The following SQOR variants were observed in gnomAD, a reference collection of about 807,000 sequenced individuals.
SQOR encodes the protein sulfide quinone oxidoreductase.
SQOR carries 39 observed loss-of-function variants against 48.6 expected under a neutral mutation model. That is an observed-to-expected ratio of 0.80 (90% confidence interval 0.62 to 1.05). The LOEUF (loss-of-function observed/expected upper bound fraction) is 1.05, where lower values mean the gene tolerates loss of function less well. SQOR is among the 50% of genes least tolerant of loss of function. The pLI, the probability that SQOR is intolerant of heterozygous loss-of-function variation, is 0.00. For synonymous variants in SQOR, 220 were observed against 206.2 expected, an observed-to-expected ratio of 1.07 and a Z score of -0.57; for missense variants, 561 against 559.9, an observed-to-expected ratio of 1.00 and a Z score of -0.02.
chr15:45,663,458 G>C (rs1889756411), intron 3 of SQOR, among the ~76,000 whole-genome samples: 1 of 152,062 alleles, frequency 6.6e-6, no homozygotes, highest in South Asian at 2.1e-4. Flanking sequence ...GCTTTTCCCT[G>C]GACCCTGATC....
intron 1 of SQOR, among the ~76,000 whole-genome samples, chr15:45,653,918 A>G (rs1283364006): frequency 1.3e-5 from 2 of 152,006 alleles, no homozygotes; most frequent in East Asian, 1.9e-4. Flanking sequence ...GGCAGATTAC[A>G]TGAGGCCAGC....
intron 3 of SQOR, among the ~76,000 whole-genome samples, chr15:45,664,845 A>G (rs1017284656): frequency 2.6e-5 from 4 of 152,098 alleles, no homozygotes; most frequent in African/African-American, 9.7e-5. Context: ...TTTTAATTAA[A>G]ATTTTTATAT....
At chr15:45,637,655 G>A (rs1175570754) in intron 1 of SQOR, among the ~76,000 whole-genome samples, 2 of 152,180 alleles carry the variant, frequency 1.3e-5, no homozygotes, top group African/African-American at 4.8e-5. Flanking sequence ...CCCAGGGTCT[G>A]TGTGTGCGTG....
intron 1 of SQOR, among the ~76,000 whole-genome samples, chr15:45,657,776 T>C (rs1889640001): frequency 6.6e-6 from 1 of 152,170 alleles, no homozygotes; most frequent in African/African-American, 2.4e-5. Flanking sequence ...ATTAAGTCAT[T>C]TTATTAAGTA....
chr15:45,649,561 C>T (rs895533543), intron 1 of SQOR, among the ~76,000 whole-genome samples: 35 of 152,162 alleles, frequency 2.3e-4, no homozygotes, highest in African/African-American at 7.2e-4. Flanking sequence ...CTGCAACCTC[C>T]GCCTCCCTGG....
At chr15:45,631,785 T>A (rs1206434465), upstream of SQOR, 1 of 152,296 alleles carries the variant, frequency 6.6e-6, no homozygotes, top group Non-Finnish European at 1.5e-5. Context: ...TTGGGGTGTG[T>A]TCCTCTTAGT....
intron 1 of SQOR, among the ~76,000 whole-genome samples, chr15:45,656,217 G>A (rs1056676678): frequency 1.3e-5 from 2 of 151,998 alleles, no homozygotes; most frequent in Non-Finnish European, 2.9e-5. Flanking sequence ...GAATGATGGT[G>A]GTAGCCAACT....
intron 1 of SQOR, among the ~76,000 whole-genome samples, chr15:45,650,848 A>C (rs1349233675): frequency 6.6e-6 from 1 of 152,192 alleles, no homozygotes; most frequent in Non-Finnish European, 1.5e-5. Flanking sequence ...AGTCCCCACC[A>C]GATTAGCTAG....
intron 3 of SQOR, among the ~76,000 whole-genome samples, chr15:45,664,499 C>T (rs1595501939): frequency 6.6e-6 from 1 of 152,090 alleles, no homozygotes; most frequent in Non-Finnish European, 1.5e-5. Context: ...CCCCCCAGCC[C>T]CCTCTTTATT....
chr15:45,663,607 A>C (rs916318568), intron 3 of SQOR, among the ~76,000 whole-genome samples: 1 of 151,992 alleles, frequency 6.6e-6, no homozygotes, highest in African/African-American at 2.4e-5. Context: ...CTCTACAAAA[A>C]AAATTAAGAC....
At chr15:45,659,251 C>T in intron 2 of SQOR, 94 bp downstream of exon 2, 1 of 1,064,906 alleles carries the variant, frequency 9.4e-7, no homozygotes, top group Non-Finnish European at 1.3e-6. Flanking sequence ...ATATGACTAT[C>T]AAGCAATGGG....
At chr15:45,672,052 G>A (rs558188473) in intron 4 of SQOR, among the ~76,000 whole-genome samples, 7 of 152,128 alleles carry the variant, frequency 4.6e-5, no homozygotes, top group African/African-American at 1.4e-4. Context: ...ACCACTTTAC[G>A]GCAACTTTTC....
At chr15:45,637,840 T>C (rs1895031496) in intron 1 of SQOR, among the ~76,000 whole-genome samples, 2 of 152,236 alleles carry the variant, frequency 1.3e-5, no homozygotes, top group African/African-American at 2.4e-5. Flanking sequence ...ACAAGGCATT[T>C]CTGGGCATAG....
chr15:45,641,708 C>T (rs1895107106), intron 1 of SQOR, among the ~76,000 whole-genome samples: 2 of 152,182 alleles, frequency 1.3e-5, no homozygotes, highest in Non-Finnish European at 2.9e-5. Flanking sequence ...TTTCTCGGAA[C>T]AACACTCATT....
chr15:45,668,688 C>T lies in SQOR; in HGVS notation c.406-1240C>T, dbSNP rs560582109. Among the ~76,000 whole-genome samples, 59 of 152,340 alleles carry T rather than the reference C, an allele frequency of 3.9e-4. 1 individual carries two copies. The South Asian group carries it at 5.0e-3, about 13-fold the overall frequency. On this transcript the variant is annotated intron_variant, in intron 3 of 9. Transcript: ENST00000260324. ...CTCAGGTCTTGGAGTCCTCTCTCTC[C>T]AACTGCGATTCGCTCGGGTTGCTTG...
At chr15:45,648,102 T>C (rs1240249294) in intron 1 of SQOR, among the ~76,000 whole-genome samples, 1 of 152,216 alleles carries the variant, frequency 6.6e-6, no homozygotes, top group African/African-American at 2.4e-5. Flanking sequence ...TGAGGAGTCT[T>C]TGAGACAGCA....
Position 45,689,172 on chromosome 15 carries a change from T to A in SQOR, c.1250T>A (p.Met417Lys). The A allele has an allele frequency of 6.2e-7, 1 of 1,614,112 alleles. No homozygotes were observed. The highest frequency in any genetic ancestry group is 8.5e-7 in the Non-Finnish European group (1 of 1,180,008). Residue 417 changes from methionine (M) to lysine (K), a missense_variant, in exon 9 of 10, where the codon ATG becomes AAG. By Grantham distance (95) the Met-to-Lys change is moderately conservative. Coordinates refer to ENST00000260324, the MANE Select transcript of SQOR (RefSeq NM_021199.4). ...QSKERLSMYL[M>K]KADLMPFLYW... ...AAAGAGCGCCTTTCCATGTATCTCA[T>A]GAAAGCTGACCTGATGCCTTTCCTG...
At chr15:45,670,702 T>C (rs534743509) in intron 4 of SQOR, among the ~76,000 whole-genome samples, 9 of 152,108 alleles carry the variant, frequency 5.9e-5, no homozygotes, top group East Asian at 1.9e-4. Flanking sequence ...CTCAACAGAG[T>C]TGGCCCAGTA....
At chr15:45,678,516 T>A (rs1890074227) in intron 6 of SQOR, among the ~76,000 whole-genome samples, 1 of 152,144 alleles carries the variant, frequency 6.6e-6, no homozygotes, top group Non-Finnish European at 1.5e-5. Context: ...TAGATTTCCC[T>A]TCCAGCTGGC....
Sources: gnomAD v4.1 joint callset for allele counts (sites outside exome capture counted in the v4.1 genomes callset) on GRCh38, gnomAD v4.1.1 for gene constraint, MANE v1.5 for transcripts, NCBI Gene and HGNC (gene_info 2026-07-23, HGNC 2026-07-21) for gene names.